KCNH2: variants seen among roughly 807,000 people sequenced by gnomAD.
KCNH2 encodes potassium voltage-gated channel subfamily H member 2.
In KCNH2, 35 loss-of-function variants were observed where a neutral mutation model predicts 95.9. That is an observed-to-expected ratio of 0.37 (90% CI 0.28 to 0.48). The LOEUF is 0.48. Among genes scored for constraint, KCNH2 ranks in the 20% least tolerant of loss-of-function variants. KCNH2 has a pLI of 0.99. For synonymous variants in KCNH2, 786 were observed against 754.7 expected (o/e 1.04, Z -0.68); for missense variants, 1,274 against 1,702.9 (o/e 0.75, Z 4.43).
intron 2 of KCNH2, among the ~76,000 whole-genome samples, chr7:150,971,491 G>A (rs985707766): frequency 6.6e-6 from 1 of 152,050 alleles, no homozygotes; most frequent in Admixed American, 6.5e-5. Flanking sequence ...CCCCACCCAC[G>A]CACAAGCTCC....
chr7:150,946,194 C>T lies in KCNH2; in HGVS notation c.3331-680G>A, dbSNP rs531488224. Among the ~76,000 whole-genome samples, 33 of 151,908 alleles carry T rather than the reference C, an allele frequency of 2.2e-4. No homozygotes were observed. The highest frequency in any genetic ancestry group is 7.5e-4 in the African/African-American group (31 of 41,376). On this transcript the variant is annotated intron_variant, in intron 14 of 14. Transcript: ENST00000262186. The surrounding 1 kb of genome is among the most constrained non-coding windows in gnomAD (Gnocchi z 6.5). ...CAGCCAGAGGAGTCCCCACCATGGA[C>T]GCGGAGGTTGACACAGACACCGCCA...
chr7:150,977,217 C>T (rs1312912241), intron 1 of KCNH2, among the ~76,000 whole-genome samples: 1 of 152,186 alleles, frequency 6.6e-6, no homozygotes, highest in Non-Finnish European at 1.5e-5. Context: ...CAAAGCCCAG[C>T]TCTAGCCCCA....
At position 150,948,915 on chromosome 7, in the gene KCNH2, A is replaced by C; in HGVS notation, c.2533T>G (p.Tyr845Asp). ...RDDLLEVLDM[Y>D]PEFSDHFWSS... ...CAGAAGTGGTCGGAGAACTCAGGGT[A>C]CATGTCCAGCACCTCCAGCAGGTCG... is the stretch of plus-strand genomic sequence containing the variant. The change falls in exon 10 of 15, where the codon TAC (tyrosine) becomes GAC (aspartate). Residue 845 changes from tyrosine to aspartate, a missense_variant. By Grantham distance (160) the Tyr-to-Asp change is radical. Transcript: ENST00000262186. The C allele has an allele frequency of 6.2e-7, 1 of 1,614,232 alleles. No individual in the cohort carries two copies. The highest frequency in any genetic ancestry group is 8.5e-7 in the Non-Finnish European group (1 of 1,180,036).
intron 3 of KCNH2, among the ~76,000 whole-genome samples, chr7:150,958,823 G>C (rs1440338950): frequency 2.0e-5 from 3 of 152,204 alleles, no homozygotes; most frequent in Non-Finnish European, 2.9e-5. Flanking sequence ...GTCACTCTCT[G>C]GAGGTCACAC....
rs563894982 is a variant in KCNH2 at position 150,959,636 on chromosome 7, G to A, written c.408C>T (p.Asp136=). ...ILNFEVVMEK[D]MVGSPAHDTN... ...TGTCATGAGCCGGGGACCCCACCAT[G>A]TCCTTCTCCATCACCACCTCGAAAT... Residue 136 remains aspartate, a synonymous_variant, in exon 3 of 15, where the codon GAC becomes GAT. Transcript: ENST00000262186. 1 of 1,614,224 alleles carries A rather than the reference G, an allele frequency of 6.2e-7. No homozygotes were observed. The highest frequency in any genetic ancestry group is 1.3e-5 in the African/African-American group (1 of 75,060).
chr7:150,977,653 T>G (rs944080427), intron 1 of KCNH2, among the ~76,000 whole-genome samples, 185 bp downstream of exon 1: 1 of 138,732 alleles, frequency 7.2e-6, no homozygotes, highest in Non-Finnish European at 1.5e-5. Flanking sequence ...TTTGGCCCGG[T>G]GCCCACGGCC....
chr7:150,951,768 T>C lies in KCNH2; in HGVS notation c.1625A>G (p.Tyr542Cys). The change falls in exon 7 of 15, where the codon TAC (tyrosine) becomes TGC (cysteine). Residue 542 changes from tyrosine to cysteine, a missense_variant. By Grantham distance (194) the Tyr-to-Cys change is radical (BLOSUM62 -2). Coordinates refer to ENST00000262186, the MANE Select transcript of KCNH2 (RefSeq NM_000238.4). ...LVRVARKLDR[Y>C]SEYGAAVLFL... ...CAGCACGGCCGCGCCGTACTCTGAG[T>C]AGCGATCCAGCTTCCGCGCCACGCG... 1 of 1,604,100 alleles carries C rather than the reference T, an allele frequency of 6.2e-7. No homozygotes were observed. The highest frequency in any genetic ancestry group is 8.5e-7 in the Non-Finnish European group (1 of 1,172,066).
chr7:150,952,841 C>T lies in KCNH2; in HGVS notation c.1141G>A (p.Gly381Ser). 1 of 1,613,614 alleles carries T rather than the reference C, an allele frequency of 6.2e-7. No homozygotes were observed. The highest frequency in any genetic ancestry group is 8.5e-7 in the Non-Finnish European group (1 of 1,179,986). The part of the protein sequence containing the change: ...TEKVTQVLSL[G>S]ADVLPEYKLQ... Reference sequence around the variant, plus strand: ...TTGTACTCAGGCAGCACGTCGGCGCCCAGGGACAGGACCTGCACCCGGGGA... The same window carrying T: ...TTGTACTCAGGCAGCACGTCGGCGCTCAGGGACAGGACCTGCACCCGGGGA... Residue 381 changes from glycine to serine, a missense_variant, in exon 6 of 15, where the codon GGC (glycine) becomes AGC (serine). Physicochemically the swap from Gly to Ser is moderately conservative, Grantham distance 56 (BLOSUM62 0). Transcript: ENST00000262186. The surrounding 1 kb of genome is among the most constrained non-coding windows in gnomAD (Gnocchi z 7.3).
intron 2 of KCNH2, among the ~76,000 whole-genome samples, chr7:150,967,393 A>T (rs1801733773): frequency 6.6e-6 from 1 of 152,276 alleles, no homozygotes; most frequent in South Asian, 2.1e-4. Flanking sequence ...AGCAGACGCT[A>T]AGACATACGG....
chr7:150,953,651 G>A (rs886296128), intron 5 of KCNH2, among the ~76,000 whole-genome samples: 16 of 152,188 alleles, frequency 1.1e-4, no homozygotes, highest in Non-Finnish European at 2.2e-4. Context: ...ATCCGGACCC[G>A]GTGACAGCAG....
intron 2 of KCNH2, among the ~76,000 whole-genome samples, chr7:150,972,829 C>G (rs1311695167): frequency 6.6e-6 from 1 of 152,196 alleles, no homozygotes; most frequent in Non-Finnish European, 1.5e-5. Context: ...CAGAAGGGGG[C>G]CCATAGCCAT....
In KCNH2 at chr7:150,958,166, G is replaced by C. The variant is rs1479831528; in HGVS notation, c.809C>G (p.Thr270Arg). The C allele has an allele frequency of 7.4e-7, 1 of 1,343,870 alleles. No individual in the cohort carries two copies. Among genetic ancestry groups the C allele is most frequent in the Non-Finnish European group, 9.5e-7 (1 of 1,049,462 alleles). The allele number at this position is 1,343,870 out of a possible 1,614,324, so 83.2% of individuals were successfully genotyped here. The change falls in exon 4 of 15, where the codon ACG (threonine) becomes AGG (arginine). Residue 270 changes from threonine (T) to arginine (R), a missense_variant. Coordinates refer to ENST00000262186, the MANE Select transcript of KCNH2 (RefSeq NM_000238.4). ...GCTGGCGCAGCTTTCTCGGGAGCGC[G>C]TCCGGGCCAGGCTGCAGCTGGAGCC... The part of the protein sequence containing the change: ...ASGSSCSLAR[T>R]RSRESCASVR...
intron 2 of KCNH2, among the ~76,000 whole-genome samples, chr7:150,967,607 G>A (rs993137574): frequency 1.3e-5 from 2 of 152,160 alleles, no homozygotes; most frequent in Admixed American, 6.5e-5. Flanking sequence ...AATAAAACTC[G>A]ATCCCTACTT....
At position 150,974,948 on chromosome 7, in the gene KCNH2, G is replaced by T. The variant is rs374867768; in HGVS notation, c.77-7C>A. 1.3e-6 allele frequency: 2 copies of T among 1,585,650 alleles called. No individual in the cohort carries two copies. The highest frequency in any genetic ancestry group is 1.1e-5 in the South Asian group (1 of 89,316). On this transcript the variant is annotated splice_region_variant and splice_polypyrimidine_tract_variant and intron_variant, in intron 1 of 14. Coordinates refer to ENST00000262186, the MANE Select transcript of KCNH2 (RefSeq NM_000238.4). ...GCGATGATGAACTTACGGCCTAGGG[G>T]GGCGGGGAGGAGAGTGCGCGTGAGC...
At position 150,977,862 on chromosome 7, in the gene KCNH2, T is replaced by C. The variant is rs1012070155; in HGVS notation, c.52A>G (p.Ile18Val). The change falls in exon 1 of 15, where the codon ATC becomes GTC. Residue 18 changes from isoleucine (I) to valine (V), a missense_variant. By Grantham distance (29) the Ile-to-Val change is conservative (BLOSUM62 3). Coordinates refer to ENST00000262186, the MANE Select transcript of KCNH2 (RefSeq NM_000238.4). ...CTCTGGCCCTCAAACTTGCGGATGA[T>C]GGTGTCCAGGAAGGTGTTCTGCGGC... ...VAPQNTFLDT[I>V]IRKFEGQSRK... 6.4e-7 allele frequency: 1 copy of C among 1,567,274 alleles called. No individual in the cohort carries two copies.
intron 2 of KCNH2, among the ~76,000 whole-genome samples, chr7:150,967,648 A>G (rs1801740198): frequency 6.6e-6 from 1 of 152,262 alleles, no homozygotes; most frequent in African/African-American, 2.4e-5. Context: ...CTCAGGATAG[A>G]TTATAGACCT....
At chr7:150,959,062 G>A (rs1801479772) in intron 3 of KCNH2, among the ~76,000 whole-genome samples, 1 of 152,246 alleles carries the variant, frequency 6.6e-6, no homozygotes, top group Non-Finnish European at 1.5e-5. Context: ...TTGTCAAGGG[G>A]ATGGTCCAGC....
rs899939755 is a variant in KCNH2 at position 150,958,255 on chromosome 7, C to T, written c.720G>A (p.Pro240=). Residue 240 remains proline, a synonymous_variant, in exon 4 of 15, where the codon CCG becomes CCA. Transcript: ENST00000262186. ...ERRALVGPGS[P]PRSAPGQLPS... ...GGAGCTGGCCGGGCGCGCTGCGGGG[C>T]GGAGAGCCGGGACCCACCAGCGCAC... is the stretch of plus-strand genomic sequence containing the variant. The T allele has an allele frequency of 3.5e-6, 5 of 1,418,348 alleles. No individual in the cohort carries two copies. In the Admixed American group the frequency reaches 1.1e-4, roughly 32 times the overall value. 87.9% of individuals were successfully genotyped at this position (1,418,348 alleles called of 1,614,324 possible). A position where few individuals can be genotyped will look rare whatever the true frequency, so the allele number is the denominator to read the frequency against.
At chr7:150,949,408 A>ATT (rs1035990140) in intron 9 of KCNH2, 34,862 of 371,384 alleles carry the variant, frequency 0.094, 2,632 homozygotes, top group Admixed American at 0.13. Context: ...CAAAACCAGC[A>ATT]TTTTTTTTTT....
Sources: allele counts gnomAD v4.1 joint callset (sites outside exome capture counted in the v4.1 genomes callset), GRCh38; gene constraint gnomAD v4.1.1; non-coding constraint Gnocchi (gnomAD v3.1); transcripts MANE v1.5; gene names NCBI Gene and HGNC (gene_info 2026-07-23, HGNC 2026-07-21).